The following PPIP5K2 variants were observed in gnomAD, a reference collection of about 807,000 sequenced individuals.
PPIP5K2 encodes diphosphoinositol pentakisphosphate kinase 2.
Under a neutral mutation model 154.6 loss-of-function variants are expected in PPIP5K2, and 105 were observed. The ratio of observed to expected loss-of-function variants is 0.68; its 90% CI spans 0.58 to 0.80. The LOEUF is 0.80. Ranked by LOEUF, PPIP5K2 falls within the 30% of genes least tolerant of loss-of-function variation. The pLI is 0.00. For synonymous variants in PPIP5K2, 480 were observed against 490.3 expected (o/e 0.98, Z 0.28); for missense variants, 992 against 1,504.6 (o/e 0.66, Z 5.64).
At chr5:103,176,791 C>T in intron 21 of PPIP5K2, 1 of 853,764 alleles carries the variant, frequency 1.2e-6, no homozygotes, top group Non-Finnish European at 1.7e-6. Flanking sequence ...ATAGAATTTT[C>T]TACTTTGAAT....
At position 103,155,039 on chromosome 5, in the gene PPIP5K2, TC is replaced by T. The variant is rs541090953; in HGVS notation, c.1403+97del. On this transcript the variant is annotated intron_variant, in intron 13 of 30. Coordinates refer to ENST00000358359, the MANE Select transcript of PPIP5K2 (RefSeq NM_001276277.3). ...CATTTTAATTACTTTCACAGTCTGA[TC>T]TTTTTACTCTTTGTTACTATAGTTG... 177 of 641,846 alleles carry T rather than the reference TC, an allele frequency of 2.8e-4. 1 individual carries two copies. The African/African-American group carries it at 3.0e-3, about 11-fold the overall frequency. The allele number at this position is 641,846 out of a possible 1,614,324, so 39.8% of individuals were successfully genotyped here.
chr5:103,144,112 A>G (rs1000170656), intron 5 of PPIP5K2, among the ~76,000 whole-genome samples: 3 of 152,134 alleles, frequency 2.0e-5, no homozygotes, highest in Admixed American at 6.6e-5. Flanking sequence ...ACAAAAATCC[A>G]TAGCATTTCT....
At chr5:103,142,889 C>T (rs1458387032) in intron 5 of PPIP5K2, among the ~76,000 whole-genome samples, 4 of 151,986 alleles carry the variant, frequency 2.6e-5, no homozygotes, top group Non-Finnish European at 5.9e-5. Flanking sequence ...GTACAAACCT[C>T]TTATATATTT....
Position 103,159,172 on chromosome 5 carries a change from T to G in PPIP5K2, c.1764T>G (p.Leu588=). 1 of 1,604,900 alleles carries G rather than the reference T, an allele frequency of 6.2e-7. No individual in the cohort carries two copies. Among genetic ancestry groups the G allele is most frequent in the Non-Finnish European group, 8.5e-7 (1 of 1,174,480 alleles). Residue 588 remains leucine (L), a synonymous_variant, in exon 17 of 31, where the codon CTT becomes CTG. Transcript: ENST00000358359. ...GGCTTTTAGCTTTGGAAGGAGAGCT[T>G]ACACCCATTCTTGTTCAAATGGTGA... is the stretch of plus-strand genomic sequence containing the variant. ...AKGLLALEGE[L]TPILVQMVKS...
chr5:103,189,177 C>T, intron 28 of PPIP5K2: 1 of 1,530,228 alleles, frequency 6.5e-7, no homozygotes, highest in Non-Finnish European at 8.8e-7. Flanking sequence ...AACACCTACA[C>T]CTCTATAGGT....
Position 103,133,652 on chromosome 5 carries a change from T to A in PPIP5K2, c.310+4T>A, listed in dbSNP as rs1554203378. 6.3e-7 allele frequency: 1 copy of A among 1,575,100 alleles called. No individual in the cohort carries two copies. Among genetic ancestry groups the A allele is most frequent in the Admixed American group, 2.0e-5 (1 of 50,888 alleles). ...CTTATTTCTTTCCATTCTAAAGGTA[T>A]TAAGGGGAGTGGGGGAGAAACTCCT... On this transcript the variant is annotated splice_donor_region_variant and intron_variant, in intron 3 of 30. Transcript: ENST00000358359.
In PPIP5K2 at chr5:103,129,673, A is replaced by G. The variant is rs781881369; in HGVS notation, c.84A>G (p.Ala28=). ...ATTATCGACATTTCTTCCACCATGC[A>G]GATGAAGACGATGAGGAGGAAGATG... The part of the protein sequence containing the change: ...PGNYRHFFHH[A]DEDDEEEDDS... The change falls in exon 2 of 31, where the codon GCA becomes GCG. Residue 28 remains alanine (A), a synonymous_variant. Coordinates refer to ENST00000358359, the MANE Select transcript of PPIP5K2 (RefSeq NM_001276277.3). The G allele has an allele frequency of 6.2e-7, 1 of 1,608,394 alleles. No homozygotes were observed. Among genetic ancestry groups the G allele is most frequent in the Non-Finnish European group, 8.5e-7 (1 of 1,178,110 alleles).
At chr5:103,151,023 A>T (rs1554211126) in intron 8 of PPIP5K2, among the ~76,000 whole-genome samples, 1 of 151,930 alleles carries the variant, frequency 6.6e-6, no homozygotes, top group Non-Finnish European at 1.5e-5. Flanking sequence ...ATTGTTGTAC[A>T]TCTACTTTAT....
At chr5:103,154,066 C>T (rs1554212243) in intron 11 of PPIP5K2, 132 bp downstream of exon 11, 3 of 574,840 alleles carry the variant, frequency 5.2e-6, no homozygotes, top group South Asian at 2.6e-5. Context: ...TATATTTAAA[C>T]CAGTGGGTGG....
At chr5:103,143,465 A>G (rs1442623388) in intron 5 of PPIP5K2, among the ~76,000 whole-genome samples, 1 of 152,196 alleles carries the variant, frequency 6.6e-6, no homozygotes. Context: ...GGGGACCATC[A>G]TGCCCCGGCA....
At chr5:103,131,551 G>C (rs748722846) in intron 2 of PPIP5K2, among the ~76,000 whole-genome samples, 23 of 152,020 alleles carry the variant, frequency 1.5e-4, no homozygotes, top group Non-Finnish European at 2.8e-4. Context: ...TATTATTACT[G>C]TGTTCCCTGT....
rs922140127 is a variant in PPIP5K2 at position 103,202,668 on chromosome 5, G to C, written c.*1034G>C. The C allele has an allele frequency of 4.6e-5, 7 of 152,022 alleles. No homozygotes were observed. Among genetic ancestry groups the C allele is most frequent in the Admixed American group, 6.6e-5 (1 of 15,248 alleles). 9.4% of individuals were successfully genotyped at this position (152,022 alleles called of 1,614,324 possible). A position where few individuals can be genotyped will look rare whatever the true frequency, so the allele number is the denominator to read the frequency against. On this transcript the variant is annotated 3_prime_UTR_variant, in exon 31 of 31. Transcript: ENST00000358359. ...TTTGAAGGGATATTGAAATCATTGC[G>C]CTGTGATTTCATCTGTGATGTGAAA...
intron 10 of PPIP5K2, 86 bp from the exon 11 acceptor site, chr5:103,153,762 A>G (rs1794989755): frequency 1.2e-6 from 1 of 867,426 alleles, no homozygotes; most frequent in Non-Finnish European, 1.8e-6. Flanking sequence ...GGCTTTAAAT[A>G]GATGACTAAA....
intron 17 of PPIP5K2, among the ~76,000 whole-genome samples, chr5:103,161,202 A>G (rs1332730470): frequency 1.3e-5 from 2 of 150,946 alleles, no homozygotes; most frequent in Non-Finnish European, 2.9e-5. Context: ...GAGTGAGAAC[A>G]TGCGGTGTTT....
At chr5:103,192,776 C>T (rs1237560351) in intron 29 of PPIP5K2, among the ~76,000 whole-genome samples, 1 of 152,052 alleles carries the variant, frequency 6.6e-6, no homozygotes, top group African/African-American at 2.4e-5. Context: ...TCCAGTTGTG[C>T]TAATTTCTAA....
At chr5:103,121,276 G>T (rs990759757) in intron 1 of PPIP5K2, among the ~76,000 whole-genome samples, 2 of 152,144 alleles carry the variant, frequency 1.3e-5, no homozygotes, top group African/African-American at 4.8e-5. Flanking sequence ...AAATAATAAC[G>T]ATAGTTGCCA....
chr5:103,184,805 T>G (rs1800112133), intron 26 of PPIP5K2, 61 bp downstream of exon 26: 1 of 1,314,498 alleles, frequency 7.6e-7, no homozygotes, highest in Non-Finnish European at 1.1e-6. Flanking sequence ...TGTGCACACA[T>G]GTAAAACTCT....
intron 5 of PPIP5K2, among the ~76,000 whole-genome samples, chr5:103,145,400 A>C (rs1250336328): frequency 6.6e-6 from 1 of 152,120 alleles, no homozygotes; most frequent in Non-Finnish European, 1.5e-5. Flanking sequence ...TGCTGGGTAT[A>C]TGTCCAAAAA....
chr5:103,209,807 G>A lies in PPIP5K2; in HGVS notation c.*8173G>A, dbSNP rs1803705759. 1.3e-5 allele frequency: 2 copies of A among 152,030 alleles called. No individual in the cohort carries two copies. The highest frequency in any genetic ancestry group is 4.1e-4 in the South Asian group (2 of 4,832). The allele number at this position is 152,030 out of a possible 1,614,324, so 9.4% of individuals were successfully genotyped here. On this transcript the variant is annotated 3_prime_UTR_variant, in exon 31 of 31. Coordinates refer to ENST00000358359, the MANE Select transcript of PPIP5K2 (RefSeq NM_001276277.3). The stretch of plus-strand genomic sequence containing the variant: ...GGAGAAAAGAGAAAGCAGAGGAGGG[G>A]TGAGACAGAGAACAAAAGAACACAG...
Sources: gnomAD v4.1 joint callset for allele counts (sites outside exome capture counted in the v4.1 genomes callset) on GRCh38, gnomAD v4.1.1 for gene constraint, MANE v1.5 for transcripts, NCBI Gene and HGNC (gene_info 2026-07-23, HGNC 2026-07-21) for gene names.